LAYN: variants seen among roughly 807,000 people sequenced by gnomAD.
LAYN encodes the protein layilin.
In LAYN, 38 loss-of-function variants were observed where a neutral mutation model predicts 43.6. The observed-to-expected ratio is 0.87, with a 90% CI of 0.67 to 1.14. The LOEUF (loss-of-function observed/expected upper bound fraction) is 1.14. Ranked by LOEUF, LAYN falls within the 50% of genes most tolerant of loss-of-function variation. The pLI is 0.00. For synonymous variants in LAYN, 168 were observed against 172.9 expected (o/e 0.97, Z 0.22); for missense variants, 479 against 463.8 (o/e 1.03, Z -0.30).
At position 111,540,802 on chromosome 11, in the gene LAYN, G is replaced by T; in HGVS notation, c.-42G>T. The T allele has an allele frequency of 6.6e-7, 1 of 1,506,990 alleles. No individual in the cohort carries two copies. 93.4% of individuals were successfully genotyped at this position (1,506,990 alleles called of 1,614,324 possible). A position where few individuals can be genotyped will look rare whatever the true frequency, so the allele number is the denominator to read the frequency against. ...CCTCTGCCCGCCAGCCCGCTCCACCGCCGTAGCGCCCGAGTGTCGGGGGGC... is the reference window on the plus strand; with the variant it reads ...CCTCTGCCCGCCAGCCCGCTCCACCTCCGTAGCGCCCGAGTGTCGGGGGGC... On this transcript the variant is annotated 5_prime_UTR_variant, in exon 1 of 7. Transcript: ENST00000375614.
chr11:111,554,069 C>G (rs1405661457), intron 3 of LAYN, among the ~76,000 whole-genome samples: 1 of 152,152 alleles, frequency 6.6e-6, no homozygotes, highest in Non-Finnish European at 1.5e-5. Flanking sequence ...GTCTACTGAG[C>G]CCCTAAACCA....
At chr11:111,550,446 T>C (rs1188778823) in intron 3 of LAYN, among the ~76,000 whole-genome samples, 2 of 152,238 alleles carry the variant, frequency 1.3e-5, no homozygotes, top group East Asian at 1.9e-4. Context: ...TGATTCTTAA[T>C]CTGCCCTTGA....
chr11:111,549,191 T>C (rs556474963), intron 2 of LAYN, among the ~76,000 whole-genome samples: 1 of 152,284 alleles, frequency 6.6e-6, no homozygotes, highest in South Asian at 2.1e-4. Flanking sequence ...TGGTGGCTGT[T>C]GAAAATCATG....
intron 2 of LAYN, among the ~76,000 whole-genome samples, chr11:111,548,169 C>T (rs1203954608): frequency 1.3e-5 from 2 of 152,156 alleles, no homozygotes; most frequent in Admixed American, 1.3e-4. Flanking sequence ...TGTCAACTTG[C>T]ACCCTGTGTC....
rs897243443 is a variant in LAYN at position 111,561,379 on chromosome 11, A to T, written c.*921A>T. The T allele has an allele frequency of 6.6e-6, 1 of 152,234 alleles. No homozygotes were observed. The highest frequency in any genetic ancestry group is 1.5e-5 in the Non-Finnish European group (1 of 68,056). 9.4% of individuals were successfully genotyped at this position (152,234 alleles called of 1,614,324 possible). A position where few individuals can be genotyped will look rare whatever the true frequency, so the allele number is the denominator to read the frequency against. On this transcript the variant is annotated 3_prime_UTR_variant, in exon 7 of 7. Coordinates refer to ENST00000375614, the MANE Select transcript of LAYN (RefSeq NM_178834.5). ...TGTCTCTAAACAAAAATATTTTTTA[A>T]AGAAACTAAAAATGAAATTTGAGTC...
In LAYN at chr11:111,560,090, C is replaced by G; in HGVS notation, c.762-5C>G. 1 of 1,594,170 alleles carries G rather than the reference C, an allele frequency of 6.3e-7. No homozygotes were observed. The highest frequency in any genetic ancestry group is 8.5e-7 in the Non-Finnish European group (1 of 1,170,348). On this transcript the variant is annotated splice_polypyrimidine_tract_variant and splice_region_variant and intron_variant, in intron 6 of 6. Transcript: ENST00000375614. ...ACACTCAGCCCTGGTTTTCTTTCTTCCTAGAAAACGGGAGCAGCCAGACCC... is the reference window on the plus strand; with the variant it reads ...ACACTCAGCCCTGGTTTTCTTTCTTGCTAGAAAACGGGAGCAGCCAGACCC...
intron 3 of LAYN, among the ~76,000 whole-genome samples, chr11:111,551,112 G>A (rs1867736691): frequency 6.6e-6 from 1 of 152,190 alleles, no homozygotes; most frequent in Non-Finnish European, 1.5e-5. Flanking sequence ...ATGGGGAACT[G>A]TTATGTCCAG....
chr11:111,551,233 C>A, intron 3 of LAYN: 1 of 417,316 alleles, frequency 2.4e-6, no homozygotes, highest in South Asian at 1.8e-5. Context: ...CAGCTACTAT[C>A]AAACCATGCT....
chr11:111,541,392 G>A (rs1369779547), intron 1 of LAYN: 2 of 661,730 alleles, frequency 3.0e-6, no homozygotes, highest in Non-Finnish European at 5.4e-6. Flanking sequence ...CGGTGCCGTG[G>A]GAACCCTGCC....
intron 6 of LAYN, among the ~76,000 whole-genome samples, chr11:111,559,454 ATTATTTTATTTTATT>A (rs560930155): frequency 6.6e-6 from 1 of 151,032 alleles, no homozygotes; most frequent in South Asian, 2.1e-4. Flanking sequence ...ATTTTATTTT[ATTATTTTATTTTATT>A]TTATTTTATT....
At chr11:111,541,561 G>A in intron 1 of LAYN, 4 of 1,536,430 alleles carry the variant, frequency 2.6e-6, no homozygotes, top group Non-Finnish European at 3.5e-6. Flanking sequence ...TGTCACTGCA[G>A]CCTCGGATTT....
intron 1 of LAYN, among the ~76,000 whole-genome samples, chr11:111,542,715 A>G (rs372988547): frequency 5.2e-4 from 79 of 152,326 alleles, no homozygotes; most frequent in African/African-American, 1.8e-3. Context: ...TTCTCTTTGC[A>G]GGGGGACTAC....
In LAYN at chr11:111,546,266, A is replaced by G. The variant is rs112959932; in HGVS notation, c.383+2046A>G. Among the ~76,000 whole-genome samples the G allele has an allele frequency of 6.2e-3, 939 of 152,274 alleles. 9 individuals carry two copies. Among genetic ancestry groups the G allele is most frequent in the African/African-American group, 0.021 (873 of 41,564 alleles). On this transcript the variant is annotated intron_variant, in intron 2 of 6. Coordinates refer to ENST00000375614, the MANE Select transcript of LAYN (RefSeq NM_178834.5). ...CACATCCCTCTATCCAAAACCTCCT[A>G]GTCCACAATCTTCCAGTCTATTTCC...
At position 111,540,746 on chromosome 11, in the gene LAYN, G is replaced by A. The variant is rs1867514572; in HGVS notation, c.-98G>A. 2.4e-6 allele frequency: 3 copies of A among 1,233,822 alleles called. No individual in the cohort carries two copies. The highest frequency in any genetic ancestry group is 3.0e-5 in the East Asian group (1 of 33,436). 76.4% of individuals were successfully genotyped at this position (1,233,822 alleles called of 1,614,324 possible). A position where few individuals can be genotyped will look rare whatever the true frequency, so the allele number is the denominator to read the frequency against. Reference sequence around the variant, plus strand: ...TGCGGTCCGTCGGTGGCCTAGAGATGCTGCTGCCGCGGTTGCAGTTGTCGC... The same window carrying A: ...TGCGGTCCGTCGGTGGCCTAGAGATACTGCTGCCGCGGTTGCAGTTGTCGC... On this transcript the variant is annotated 5_prime_UTR_variant, in exon 1 of 7. It removes an upstream start codon present in the reference 5' UTR. Coordinates refer to ENST00000375614, the MANE Select transcript of LAYN (RefSeq NM_178834.5).
intron 6 of LAYN, among the ~76,000 whole-genome samples, chr11:111,559,454 ATTATTTTATT>A (rs560930155): frequency 6.0e-4 from 91 of 151,150 alleles, no homozygotes; most frequent in Non-Finnish European, 1.1e-3. Flanking sequence ...ATTTTATTTT[ATTATTTTATT>A]TTATTTTATT....
At chr11:111,558,747 A>G (rs1223212187) in intron 6 of LAYN, among the ~76,000 whole-genome samples, 1 of 147,200 alleles carries the variant, frequency 6.8e-6, no homozygotes, top group East Asian at 2.0e-4. Flanking sequence ...TCCTTCCAGA[A>G]CAATATTTTA....
intron 2 of LAYN, among the ~76,000 whole-genome samples, chr11:111,548,413 A>C (rs1466635677): frequency 1.3e-5 from 2 of 152,190 alleles, no homozygotes; most frequent in Admixed American, 1.3e-4. Context: ...CTATAAGACA[A>C]AATAATGTAA....
At chr11:111,557,726 A>T in intron 6 of LAYN, 83 bp downstream of exon 6, 1 of 1,125,754 alleles carries the variant, frequency 8.9e-7, no homozygotes. Flanking sequence ...CTTCATTAAA[A>T]CCCACGGCAG....
At chr11:111,541,233 C>G (rs1867531128) in intron 1 of LAYN, 8 of 590,996 alleles carry the variant, frequency 1.4e-5, no homozygotes, top group South Asian at 1.2e-4. Flanking sequence ...CAAACCTGCC[C>G]CAGTGGGTGC....
Sources: gnomAD v4.1 joint callset for allele counts (sites outside exome capture counted in the v4.1 genomes callset) on GRCh38, gnomAD v4.1.1 for gene constraint, MANE v1.5 for transcripts, NCBI Gene and HGNC (gene_info 2026-07-23, HGNC 2026-07-21) for gene names.